PTPRD: variants seen among roughly 807,000 people sequenced by gnomAD.
The protein encoded by PTPRD is receptor-type tyrosine-protein phosphatase delta.
In PTPRD, 34 loss-of-function variants were observed where a neutral mutation model predicts 214.5. The observed-to-expected ratio is 0.16, with a 90% CI of 0.12 to 0.21. PTPRD has a LOEUF of 0.21. Ranked by LOEUF, PTPRD falls within the 10% of genes least tolerant of loss-of-function variation. PTPRD has a pLI of 1.00. For missense variants in PTPRD, 2,545 were observed against 2,398.7 expected (o/e 1.06, Z -1.27); for synonymous variants, 1,128 against 845.7 (o/e 1.33, Z -5.79).
intron 10 of PTPRD, among the ~76,000 whole-genome samples, chr9:9,096,034 T>C (rs564411749): frequency 5.1e-4 from 77 of 152,208 alleles, no homozygotes; most frequent in Non-Finnish European, 9.3e-4. Context: ...TACCTATACA[T>C]GGAACAAAAA....
At chr9:9,298,646 G>T (rs1347957848) in intron 9 of PTPRD, among the ~76,000 whole-genome samples, 3 of 151,758 alleles carry the variant, frequency 2.0e-5, no homozygotes, top group Non-Finnish European at 4.4e-5. Context: ...AGAAGCTGAA[G>T]CAGGAGGGAA....
chr9:8,393,053 T>C (rs2090098250), intron 36 of PTPRD, among the ~76,000 whole-genome samples: 1 of 152,182 alleles, frequency 6.6e-6, no homozygotes, highest in African/African-American at 2.4e-5. Context: ...CCAAATGTTT[T>C]GGTGCCATGA....
chr9:10,515,828 C>A (rs565132196), intron 2 of PTPRD, among the ~76,000 whole-genome samples: 5 of 152,036 alleles, frequency 3.3e-5, no homozygotes, highest in African/African-American at 9.6e-5. Context: ...TGGAATCATG[C>A]AGTATTTGTC....
At chr9:9,018,965 C>G (rs893777247) in intron 10 of PTPRD, among the ~76,000 whole-genome samples, 3 of 151,954 alleles carry the variant, frequency 2.0e-5, no homozygotes, top group African/African-American at 7.2e-5. Context: ...TATGATTGTT[C>G]TGGAAAAAGA....
chr9:8,979,899 G>A (rs1187121340), intron 11 of PTPRD, among the ~76,000 whole-genome samples: 4 of 152,028 alleles, frequency 2.6e-5, no homozygotes, highest in Non-Finnish European at 4.4e-5. Flanking sequence ...ACTTTGAAAA[G>A]ATATCTGAGC....
At position 9,836,620 on chromosome 9, in the gene PTPRD, G is replaced by C. The variant is rs1365103969; in HGVS notation, c.-367-69769C>G. ...ATATCAATCCTCTTCAAAGGATGCAGAGAGTAACATAGAGAAAAACTGTGT... is the reference window on the plus strand; with the variant it reads ...ATATCAATCCTCTTCAAAGGATGCACAGAGTAACATAGAGAAAAACTGTGT... On this transcript the variant is annotated intron_variant, in intron 5 of 45. Coordinates refer to ENST00000381196, the MANE Select transcript of PTPRD (RefSeq NM_002839.4). Among the ~76,000 whole-genome samples the C allele has an allele frequency of 2.0e-5, 3 of 152,126 alleles. No individual in the cohort carries two copies. The South Asian group carries it at 6.2e-4, about 31-fold the overall frequency.
At chr9:8,601,682 G>C (rs2094876796) in intron 14 of PTPRD, among the ~76,000 whole-genome samples, 1 of 152,172 alleles carries the variant, frequency 6.6e-6, no homozygotes, top group Non-Finnish European at 1.5e-5. Flanking sequence ...TGTGCTATTG[G>C]GGTTGGGATG....
chr9:9,506,204 A>G (rs527896549), intron 8 of PTPRD, among the ~76,000 whole-genome samples: 116 of 151,530 alleles, frequency 7.7e-4, no homozygotes, highest in African/African-American at 2.5e-3. Context: ...AGCAACCTAT[A>G]TAACTGTCTC....
rs1398467494 is a variant in PTPRD, at chr9:10,364,007, T to TTTTTTG, written c.-599-22991_-599-22990insCAAAAA. Among the ~76,000 whole-genome samples the TTTTTTG allele has an allele frequency of 7.7e-4, 103 of 133,188 alleles. 4 individuals are homozygous for TTTTTTG. Among genetic ancestry groups the TTTTTTG allele is most frequent in the African/African-American group, 2.8e-3 (96 of 33,820 alleles). 87.4% of individuals were successfully genotyped at this position (133,188 alleles called of 152,430 possible). A position where few individuals can be genotyped will look rare whatever the true frequency, so the allele number is the denominator to read the frequency against. The stretch of plus-strand genomic sequence containing the variant: ...CATTTTCGGGTTTTTTTTTTTTTTT[T>TTTTTTG]TTTTTTTTTTGAGATGGAGTCTTGC... On this transcript the variant is annotated intron_variant, in intron 2 of 45. Coordinates refer to ENST00000381196, the MANE Select transcript of PTPRD (RefSeq NM_002839.4).
chr9:10,582,599 C>T (rs2072329874), intron 2 of PTPRD, among the ~76,000 whole-genome samples: 1 of 152,224 alleles, frequency 6.6e-6, no homozygotes, highest in Non-Finnish European at 1.5e-5. Context: ...GACTAGCCAT[C>T]TAACCTTGAA....
At chr9:9,925,842 G>C (rs2084103627) in intron 5 of PTPRD, among the ~76,000 whole-genome samples, 1 of 151,926 alleles carries the variant, frequency 6.6e-6, no homozygotes, top group African/African-American at 2.4e-5. Context: ...TTGTTTGTTT[G>C]TTTTGAGTTA....
intron 39 of PTPRD, among the ~76,000 whole-genome samples, chr9:8,372,021 CA>C (rs2081697746): frequency 6.6e-6 from 1 of 151,958 alleles, no homozygotes; most frequent in South Asian, 2.1e-4. Flanking sequence ...GTTCCTTTAA[CA>C]GCATCATTTT....
chr9:9,588,449 G>C (rs562066757), intron 7 of PTPRD, among the ~76,000 whole-genome samples: 5 of 151,872 alleles, frequency 3.3e-5, no homozygotes, highest in Non-Finnish European at 7.4e-5. Context: ...AGGCAAGGGG[G>C]TAATGAAAGT....
At chr9:9,593,418 T>C (rs2092964014) in intron 7 of PTPRD, among the ~76,000 whole-genome samples, 1 of 152,022 alleles carries the variant, frequency 6.6e-6, no homozygotes, top group Admixed American at 6.6e-5. Flanking sequence ...TTGAGCAATT[T>C]AAATGTTTTA....
intron 9 of PTPRD, among the ~76,000 whole-genome samples, chr9:9,185,782 C>T (rs1421266959): frequency 6.6e-6 from 1 of 151,980 alleles, no homozygotes; most frequent in Admixed American, 6.6e-5. Context: ...ATTAATAAAG[C>T]ATTTCTCTAG....
intron 3 of PTPRD, among the ~76,000 whole-genome samples, chr9:10,163,104 T>C (rs1178857231): frequency 6.6e-6 from 1 of 150,530 alleles, no homozygotes; most frequent in African/African-American, 2.5e-5. Context: ...TTAAATGTGA[T>C]TATTTTTTAT....
chr9:9,897,375 T>C (rs916216958), intron 5 of PTPRD, among the ~76,000 whole-genome samples: 9 of 152,172 alleles, frequency 5.9e-5, no homozygotes, highest in East Asian at 5.8e-4. Flanking sequence ...CAAGAGTTTT[T>C]AAAAGAAAAA....
At chr9:8,594,948 C>T (rs1326653584) in intron 14 of PTPRD, among the ~76,000 whole-genome samples, 8 of 150,400 alleles carry the variant, frequency 5.3e-5, no homozygotes, top group Admixed American at 1.3e-4. Flanking sequence ...CTGTAAGCTC[C>T]GCCTCCCAGG....
intron 8 of PTPRD, among the ~76,000 whole-genome samples, chr9:9,545,941 C>A (rs941928355): frequency 6.6e-6 from 1 of 151,618 alleles, no homozygotes; most frequent in African/African-American, 2.4e-5. Context: ...AATATCTTCC[C>A]ACTTTTTAAT....
Sources: allele counts gnomAD v4.1 joint callset (sites outside exome capture counted in the v4.1 genomes callset), GRCh38; gene constraint gnomAD v4.1.1; transcripts MANE v1.5; gene names NCBI Gene and HGNC (gene_info 2026-07-23, HGNC 2026-07-21).